TENT4A: variants seen among roughly 807,000 people sequenced by gnomAD.
TENT4A encodes the protein DNA polymerase kappa.
In TENT4A, 7 loss-of-function variants were observed where a neutral mutation model predicts 72.8. That is an observed-to-expected ratio of 0.10 (90% CI 0.05 to 0.18). TENT4A has a LOEUF of 0.18. Among genes scored for constraint, TENT4A ranks in the 10% least tolerant of loss-of-function variants. The probability of loss-of-function intolerance (pLI) is 1.00; values close to 1 mark genes in which losing one functional copy is unlikely to be tolerated. For synonymous variants in TENT4A, 456 were observed against 434.3 expected (o/e 1.05, Z -0.62); for missense variants, 831 against 1,017.7 (o/e 0.82, Z 2.50).
chr5:6,725,493 C>T (rs1036861817), intron 1 of TENT4A, among the ~76,000 whole-genome samples: 1 of 152,176 alleles, frequency 6.6e-6, no homozygotes, highest in African/African-American at 2.4e-5. Flanking sequence ...CTGAGGGTGA[C>T]TTCTGTCAAC....
intron 8 of TENT4A, 56 bp from the exon 9 acceptor site, chr5:6,749,501 C>T: frequency 8.6e-7 from 1 of 1,161,678 alleles, no homozygotes; most frequent in Non-Finnish European, 1.3e-6. Context: ...GAGAGGGGTT[C>T]TCAGCTCCCT....
intron 1 of TENT4A, among the ~76,000 whole-genome samples, chr5:6,731,139 T>C (rs1045036617): frequency 6.6e-6 from 1 of 152,222 alleles, no homozygotes; most frequent in South Asian, 2.1e-4. Flanking sequence ...GTATTGTTTT[T>C]TTGGGCAAAA....
intron 1 of TENT4A, among the ~76,000 whole-genome samples, chr5:6,725,138 A>G (rs1052613874): frequency 2.6e-5 from 4 of 152,312 alleles, no homozygotes; most frequent in Admixed American, 6.5e-5. Flanking sequence ...TGGCTAACAC[A>G]GTAAAACCCC....
chr5:6,721,393 G>A (rs1262445554), intron 1 of TENT4A, among the ~76,000 whole-genome samples: 1 of 152,240 alleles, frequency 6.6e-6, no homozygotes, highest in Non-Finnish European at 1.5e-5. Context: ...GTTTTACAAT[G>A]TAGAATGCAA....
intron 2 of TENT4A, 80 bp downstream of exon 2, chr5:6,737,713 T>C: frequency 6.9e-7 from 1 of 1,456,162 alleles, no homozygotes; most frequent in East Asian, 2.5e-5. Flanking sequence ...ATGTGTCGGC[T>C]AGATCCACAC....
chr5:6,746,734 T>C (rs1315099184), intron 7 of TENT4A, among the ~76,000 whole-genome samples: 7 of 152,252 alleles, frequency 4.6e-5, no homozygotes, highest in Non-Finnish European at 7.3e-5. Context: ...GTATGTAATA[T>C]AGAAAAACCA....
intron 1 of TENT4A, among the ~76,000 whole-genome samples, chr5:6,721,173 C>G (rs1272224068): frequency 6.6e-6 from 1 of 152,092 alleles, no homozygotes; most frequent in Non-Finnish European, 1.5e-5. Context: ...GCCAAGCACA[C>G]GGTAGCCACT....
At chr5:6,718,499 C>T (rs1410373955) in intron 1 of TENT4A, among the ~76,000 whole-genome samples, 2 of 152,178 alleles carry the variant, frequency 1.3e-5, no homozygotes, top group Admixed American at 6.5e-5. Flanking sequence ...GTTGTGAGAC[C>T]TGCCTTAAAG....
chr5:6,721,195 T>C (rs916261664), intron 1 of TENT4A, among the ~76,000 whole-genome samples: 2 of 151,966 alleles, frequency 1.3e-5, no homozygotes, highest in African/African-American at 4.8e-5. Flanking sequence ...AGTAAGTATC[T>C]CCCAAGAAAG....
At chr5:6,718,164 A>C (rs1311182515) in intron 1 of TENT4A, among the ~76,000 whole-genome samples, 1 of 152,240 alleles carries the variant, frequency 6.6e-6, no homozygotes, top group East Asian at 1.9e-4. Flanking sequence ...TTCTGTTCTT[A>C]GTTTGAAGTC....
intron 1 of TENT4A, among the ~76,000 whole-genome samples, chr5:6,728,487 T>C (rs191395875): frequency 6.5e-4 from 99 of 152,214 alleles, no homozygotes; most frequent in Non-Finnish European, 1.3e-3. Context: ...TTCGGACTTG[T>C]AGGATAGCTT....
At position 6,713,737 on chromosome 5, in the gene TENT4A, C is replaced by G. The variant is rs1740207440; in HGVS notation, c.-247C>G. 1 of 146,410 alleles carries G rather than the reference C, an allele frequency of 6.8e-6. No individual in the cohort carries two copies. Among genetic ancestry groups the G allele is most frequent in the Non-Finnish European group, 1.5e-5 (1 of 65,610 alleles). The allele number at this position is 146,410 out of a possible 1,614,324, so 9.1% of individuals were successfully genotyped here. On this transcript the variant is annotated 5_prime_UTR_variant, in exon 1 of 13. Coordinates refer to ENST00000230859, the MANE Select transcript of TENT4A (RefSeq NM_006999.6). ...GCCGCCCGCTGGGACGCGCCAAGCG[C>G]CGGAGCCGCCCGCCGCGGCCTGCCG...
chr5:6,751,009 G>A lies in TENT4A; in HGVS notation c.1861-30G>A, dbSNP rs776109167. On this transcript the variant is annotated intron_variant, in intron 10 of 12. Coordinates refer to ENST00000230859, the MANE Select transcript of TENT4A (RefSeq NM_006999.6). The stretch of plus-strand genomic sequence containing the variant: ...AGTAGTGCACCTTTGTGGTACAGCT[G>A]TCCTTTTTGTTTTTTGTACCGGGTT... 4.3e-6 allele frequency: 7 copies of A among 1,611,996 alleles called. No homozygotes were observed. The African/African-American group carries it at 6.7e-5, about 15-fold the overall frequency.
Position 6,746,344 on chromosome 5 carries a change from A to T in TENT4A, c.1376A>T (p.Tyr459Phe). ...TGIRIKEGGA[Y>F]IAKEEIMKAM... ...ATTAGAATCAAAGAAGGAGGTGCCT[A>T]TATCGCCAAAGAGGAGATCATGAAA... Residue 459 changes from tyrosine to phenylalanine, a missense_variant, in exon 7 of 13, where the codon TAT becomes TTT. Transcript: ENST00000230859. 2 of 1,614,210 alleles carry T rather than the reference A, an allele frequency of 1.2e-6. No individual in the cohort carries two copies. The highest frequency in any genetic ancestry group is 1.7e-6 in the Non-Finnish European group (2 of 1,180,040).
intron 1 of TENT4A, among the ~76,000 whole-genome samples, chr5:6,720,776 G>T (rs369189440): frequency 2.0e-5 from 3 of 152,252 alleles, no homozygotes; most frequent in East Asian, 3.9e-4. Context: ...GAAAAGTCCT[G>T]TTCACGAGGT....
At chr5:6,726,834 G>T (rs1005893765) in intron 1 of TENT4A, among the ~76,000 whole-genome samples, 1 of 152,234 alleles carries the variant, frequency 6.6e-6, no homozygotes, top group African/African-American at 2.4e-5. Context: ...TGCTGTCTCA[G>T]TTGCTTGCTT....
At position 6,754,950 on chromosome 5, in the gene TENT4A, T is replaced by C. The variant is rs763607292; in HGVS notation, c.*5T>C. The C allele has an allele frequency of 2.5e-6, 4 of 1,569,198 alleles. No homozygotes were observed. In the Admixed American group the frequency reaches 6.9e-5, roughly 27 times the overall value. On this transcript the variant is annotated 3_prime_UTR_variant, in exon 13 of 13. Coordinates refer to ENST00000230859, the MANE Select transcript of TENT4A (RefSeq NM_006999.6). ...CCCGTGAGCCTCAGCAGATAATGGC[T>C]CCTGGCTGCGTCAGCCTCCCCCACC... is the stretch of plus-strand genomic sequence containing the variant.
intron 1 of TENT4A, among the ~76,000 whole-genome samples, chr5:6,726,266 C>T (rs748944423): frequency 6.6e-6 from 1 of 152,196 alleles, no homozygotes; most frequent in Non-Finnish European, 1.5e-5. Flanking sequence ...ACCTCAGGCA[C>T]TTCAGGCTCC....
chr5:6,725,402 GT>G (rs1740867252), intron 1 of TENT4A, among the ~76,000 whole-genome samples: 1 of 152,218 alleles, frequency 6.6e-6, no homozygotes, highest in South Asian at 2.1e-4. Context: ...TGCCGATGCT[GT>G]CTGAGGGCCT....
Sources: gnomAD v4.1 joint callset for allele counts (sites outside exome capture counted in the v4.1 genomes callset) on GRCh38, gnomAD v4.1.1 for gene constraint, MANE v1.5 for transcripts, NCBI Gene and HGNC (gene_info 2026-07-23, HGNC 2026-07-21) for gene names.